The following KIF26B variants were observed in gnomAD, a reference collection of about 807,000 sequenced individuals.
KIF26B encodes the protein kinesin family member 26B, also known as kinesin-like protein KIF26B.
KIF26B carries 63 observed loss-of-function variants against 151.2 expected under a neutral mutation model. That is an observed-to-expected ratio of 0.42 (90% confidence interval 0.34 to 0.51). The LOEUF is 0.51. Among genes scored for constraint, KIF26B ranks in the 20% least tolerant of loss-of-function variants. The probability of loss-of-function intolerance (pLI) is 0.07; values close to 1 mark genes in which losing one functional copy is unlikely to be tolerated. For missense variants in KIF26B, 2,813 were observed against 2,913.6 expected (o/e 0.97, Z 0.79); for synonymous variants, 1,357 against 1,262.1 (o/e 1.08, Z -1.59).
intron 4 of KIF26B, among the ~76,000 whole-genome samples, chr1:245,421,113 G>T (rs960042620): frequency 6.6e-6 from 1 of 152,222 alleles, no homozygotes; most frequent in African/African-American, 2.4e-5. Context: ...GAATCTCTGT[G>T]TTGTCCCAGA....
intron 2 of KIF26B, among the ~76,000 whole-genome samples, chr1:245,294,906 A>G (rs968347331): frequency 2.6e-5 from 4 of 152,052 alleles, no homozygotes; most frequent in Admixed American, 2.6e-4. Context: ...CAAGTGATCC[A>G]CCTGCCTCGG....
intron 2 of KIF26B, chr1:245,282,873 G>A: frequency 8.0e-6 from 2 of 249,832 alleles, no homozygotes; most frequent in East Asian, 1.1e-4. Flanking sequence ...TCCCTTATTG[G>A]CAGTCGGGCA....
At chr1:245,387,615 C>G (rs535611209) in intron 3 of KIF26B, among the ~76,000 whole-genome samples, 62 of 152,264 alleles carry the variant, frequency 4.1e-4, no homozygotes, top group Admixed American at 1.6e-3. Context: ...ATCGCTTGAG[C>G]CTGCAGGTCT....
At position 245,285,062 on chromosome 1, in the gene KIF26B, C is replaced by CA. The variant is rs371419812; in HGVS notation, c.466-81767dup. 2.1e-3 allele frequency among the ~76,000 whole-genome samples: 320 copies of CA among 152,284 alleles called. 1 individual carries two copies. The highest frequency in any genetic ancestry group is 7.3e-3 in the African/African-American group (302 of 41,562). ...CTCAAAAAACAAACAAACAAGCGAA[C>CA]AAAAACAATAATTTATTTTTGCTCT... On this transcript the variant is annotated intron_variant, in intron 2 of 14. Coordinates refer to ENST00000407071, the MANE Select transcript of KIF26B (RefSeq NM_018012.4).
chr1:245,246,880 C>CAG (rs1003315055), intron 2 of KIF26B, among the ~76,000 whole-genome samples: 2 of 150,566 alleles, frequency 1.3e-5, no homozygotes, highest in Non-Finnish European at 3.0e-5. Context: ...CACACACACA[C>CAG]ACACACACAC....
intron 2 of KIF26B, among the ~76,000 whole-genome samples, chr1:245,172,888 T>G (rs865982966): frequency 6.6e-6 from 1 of 152,194 alleles, no homozygotes; most frequent in Non-Finnish European, 1.5e-5. Context: ...CAATGTAAGA[T>G]TTATATGTCA....
At chr1:245,447,543 C>G (rs1659274887) in intron 4 of KIF26B, among the ~76,000 whole-genome samples, 1 of 152,068 alleles carries the variant, frequency 6.6e-6, no homozygotes. Flanking sequence ...ATCAAAGAGG[C>G]CAGCAGGAAC....
chr1:245,262,872 C>G (rs1158225939), intron 2 of KIF26B, among the ~76,000 whole-genome samples: 1 of 152,196 alleles, frequency 6.6e-6, no homozygotes, highest in Non-Finnish European at 1.5e-5. Context: ...TCACATGCAG[C>G]CTCAACACCA....
intron 2 of KIF26B, among the ~76,000 whole-genome samples, chr1:245,291,505 T>G (rs952959733): frequency 1.4e-4 from 21 of 152,160 alleles, no homozygotes; most frequent in Middle Eastern, 3.2e-3. Context: ...ATGCAGGCCT[T>G]GTGTGGCTGT....
At chr1:245,473,481 G>C (rs998521104) in intron 4 of KIF26B, among the ~76,000 whole-genome samples, 8 of 147,328 alleles carry the variant, frequency 5.4e-5, no homozygotes, top group Non-Finnish European at 1.2e-4. Flanking sequence ...CGACAAAAGA[G>C]GCTGAATTCT....
Position 245,267,884 on chromosome 1 carries a change from C to G in KIF26B, c.466-98950C>G, listed in dbSNP as rs1227506923. Among the ~76,000 whole-genome samples, 3 of 152,138 alleles carry G rather than the reference C, an allele frequency of 2.0e-5. 1 individual carries two copies. The highest frequency in any genetic ancestry group is 4.1e-4 in the South Asian group (2 of 4,828). ...AGCTTTAAAGAATGAATTCAGGAGA[C>G]TTGCAGCCTGATGCTGGTTGTCTGG... On this transcript the variant is annotated intron_variant, in intron 2 of 14. Coordinates refer to ENST00000407071, the MANE Select transcript of KIF26B (RefSeq NM_018012.4).
rs1254892267 is a variant in KIF26B at position 245,688,372 on chromosome 1, T to C, written c.5389T>C (p.Ser1797Pro). The change falls in exon 12 of 15, where the codon TCC (serine) becomes CCC (proline). Residue 1797 changes from serine (S) to proline (P), a missense_variant. Physicochemically the swap from Ser to Pro is moderately conservative, Grantham distance 74. Transcript: ENST00000407071. ...CAGGAACAGGAGCTCGGGCCTGGCC[T>C]CCAAGCTTCCCCTGCGGGCCGTCAG... Reference protein sequence around the residue: ...LSRNRSSGLASKLPLRAVSGR... With the variant: ...LSRNRSSGLAPKLPLRAVSGR... 1 of 1,539,752 alleles carries C rather than the reference T, an allele frequency of 6.5e-7. No homozygotes were observed. Among genetic ancestry groups the C allele is most frequent in the Non-Finnish European group, 8.7e-7 (1 of 1,151,732 alleles).
chr1:245,693,101 C>G (rs939727268), intron 12 of KIF26B, among the ~76,000 whole-genome samples: 1 of 152,196 alleles, frequency 6.6e-6, no homozygotes, highest in Non-Finnish European at 1.5e-5. Flanking sequence ...TAACATTTCA[C>G]CCTCATCCTG....
chr1:245,363,954 T>A (rs1672879676), intron 2 of KIF26B, among the ~76,000 whole-genome samples: 1 of 152,132 alleles, frequency 6.6e-6, no homozygotes, highest in South Asian at 2.1e-4. Context: ...CTGATTGATG[T>A]CTTGTGAACC....
At chr1:245,245,941 A>AAAT (rs1183353368) in intron 2 of KIF26B, among the ~76,000 whole-genome samples, 1 of 150,922 alleles carries the variant, frequency 6.6e-6, no homozygotes, top group Non-Finnish European at 1.5e-5. Flanking sequence ...AAAAAAAAAA[A>AAAT]ATTAGCCAGG....
At chr1:245,670,347 C>T (rs1258313984) in intron 10 of KIF26B, among the ~76,000 whole-genome samples, 1 of 149,022 alleles carries the variant, frequency 6.7e-6, no homozygotes, top group Non-Finnish European at 1.5e-5. Context: ...CAATATTAAA[C>T]GTCTCATATT....
At chr1:245,553,419 G>T (rs756801033) in intron 5 of KIF26B, among the ~76,000 whole-genome samples, 2 of 152,210 alleles carry the variant, frequency 1.3e-5, no homozygotes, top group Non-Finnish European at 2.9e-5. Context: ...GTGGCAGGCA[G>T]GGGGCTGTGG....
intron 4 of KIF26B, among the ~76,000 whole-genome samples, chr1:245,474,421 G>GT (rs148335679): frequency 0.069 from 9,220 of 133,040 alleles, 431 homozygotes; most frequent in Middle Eastern, 0.15. Flanking sequence ...TTTTGTTGTT[G>GT]TTTTTTTTTT....
chr1:245,387,886 T>C (rs1353059235), intron 3 of KIF26B, among the ~76,000 whole-genome samples: 30 of 152,042 alleles, frequency 2.0e-4, no homozygotes, highest in Admixed American at 2.0e-3. Context: ...CTCATCCACT[T>C]CCCCCAACCT....
Sources: gnomAD v4.1 joint callset for allele counts (sites outside exome capture counted in the v4.1 genomes callset) on GRCh38, gnomAD v4.1.1 for gene constraint, MANE v1.5 for transcripts, NCBI Gene and HGNC (gene_info 2026-07-23, HGNC 2026-07-21) for gene names.